The following DPYD variants were observed in gnomAD, a reference collection of about 807,000 sequenced individuals.
DPYD encodes the protein dihydropyrimidine dehydrogenase [NADP(+)].
Under a neutral mutation model 116.2 loss-of-function variants are expected in DPYD, and 109 were observed. That is an observed-to-expected ratio of 0.94 (90% CI 0.80 to 1.10). The LOEUF (loss-of-function observed/expected upper bound fraction) is 1.10. DPYD is among the 50% of genes least tolerant of loss of function. DPYD has a pLI of 0.00. For missense variants in DPYD, 1,302 were observed against 1,254.5 expected (o/e 1.04, Z -0.57); for synonymous variants, 440 against 432.0 (o/e 1.02, Z -0.23).
intron 3 of DPYD, among the ~76,000 whole-genome samples, chr1:97,766,747 A>G (rs1318210970): frequency 6.6e-6 from 1 of 152,228 alleles, no homozygotes; most frequent in Non-Finnish European, 1.5e-5. Context: ...ATTTTGCAGC[A>G]GAGAGTAGAG....
chr1:97,859,216 G>T (rs527408534), intron 2 of DPYD, among the ~76,000 whole-genome samples: 4 of 152,034 alleles, frequency 2.6e-5, no homozygotes, highest in Non-Finnish European at 5.9e-5. Flanking sequence ...TTAAAAAAAA[G>T]AATCTCTATG....
chr1:97,605,020 C>CTAAA, intron 8 of DPYD, among the ~76,000 whole-genome samples: 1 of 152,194 alleles, frequency 6.6e-6, no homozygotes, highest in South Asian at 2.1e-4. Flanking sequence ...CCCACTCTAG[C>CTAAA]ATTAAATCAA....
At chr1:97,266,686 C>G (rs766198072) in intron 18 of DPYD, among the ~76,000 whole-genome samples, 6 of 152,080 alleles carry the variant, frequency 3.9e-5, no homozygotes, top group Non-Finnish European at 4.4e-5. Flanking sequence ...CCCTGCCCCC[C>G]ACCTCATGAC....
At chr1:97,303,271 A>AC in intron 18 of DPYD, among the ~76,000 whole-genome samples, 2 of 152,112 alleles carry the variant, frequency 1.3e-5, no homozygotes, top group South Asian at 4.1e-4. Context: ...ACTTTTTAAA[A>AC]ATCTGTGATT....
chr1:97,168,939 C>A (rs1656521091), intron 20 of DPYD, among the ~76,000 whole-genome samples: 1 of 151,738 alleles, frequency 6.6e-6, no homozygotes, highest in Admixed American at 6.6e-5. Flanking sequence ...CTCCACCTCA[C>A]AGGTTCAAGC....
intron 3 of DPYD, among the ~76,000 whole-genome samples, chr1:97,789,630 T>TC (rs58458798): frequency 1.4e-4 from 22 of 152,234 alleles, no homozygotes; most frequent in African/African-American, 5.3e-4. Flanking sequence ...GTGCTTTTTT[T>TC]CTCACCTCCC....
intron 18 of DPYD, among the ~76,000 whole-genome samples, chr1:97,252,562 G>T (rs1663172785): frequency 1.3e-5 from 2 of 152,130 alleles, no homozygotes; most frequent in Non-Finnish European, 2.9e-5. Context: ...GGGCATCACA[G>T]ATATGTTAAA....
At chr1:97,835,369 T>A (rs563081110) in intron 2 of DPYD, among the ~76,000 whole-genome samples, 120 of 152,228 alleles carry the variant, frequency 7.9e-4, no homozygotes, top group Non-Finnish European at 1.3e-3. Flanking sequence ...TGAAAATATA[T>A]ACATTGTTCA....
chr1:97,097,061 T>C (rs1454823648), intron 21 of DPYD, among the ~76,000 whole-genome samples: 1 of 152,212 alleles, frequency 6.6e-6, no homozygotes, highest in Non-Finnish European at 1.5e-5. Context: ...CTGTAGGTTC[T>C]GGCCTTCGCA....
At chr1:97,162,191 G>A (rs551683513) in intron 20 of DPYD, among the ~76,000 whole-genome samples, 260 of 152,244 alleles carry the variant, frequency 1.7e-3, no homozygotes, top group African/African-American at 6.0e-3. Flanking sequence ...CCCACCAACA[G>A]TGTAAAAGTG....
chr1:97,351,802 G>T (rs959624898), intron 16 of DPYD, among the ~76,000 whole-genome samples: 1 of 152,026 alleles, frequency 6.6e-6, no homozygotes, highest in African/African-American at 2.4e-5. Context: ...GAGGAAATCA[G>T]TCAGGCAAAT....
At chr1:97,173,283 C>CAGATGTACAT (rs1656914388) in intron 20 of DPYD, among the ~76,000 whole-genome samples, 1 of 120,340 alleles carries the variant, frequency 8.3e-6, no homozygotes, top group African/African-American at 2.8e-5. Flanking sequence ...TATATGCACA[C>CAGATGTACAT]ATATATGTAC....
intron 3 of DPYD, among the ~76,000 whole-genome samples, chr1:97,792,320 C>A (rs1557965406): frequency 6.6e-6 from 1 of 151,712 alleles, no homozygotes; most frequent in South Asian, 2.1e-4. Flanking sequence ...GCTGCCCAGG[C>A]TGGAGTGCAG....
intron 5 of DPYD, among the ~76,000 whole-genome samples, chr1:97,701,731 T>C (rs1221862118): frequency 6.6e-6 from 1 of 151,800 alleles, no homozygotes; most frequent in African/African-American, 2.4e-5. Flanking sequence ...TCAACAAGTA[T>C]TATAGGGTCA....
At chr1:97,770,122 CT>C (rs1209048665) in intron 3 of DPYD, among the ~76,000 whole-genome samples, 3 of 152,206 alleles carry the variant, frequency 2.0e-5, no homozygotes, top group African/African-American at 4.8e-5. Flanking sequence ...TATGTTCATG[CT>C]GTGCATCCAC....
chr1:97,353,227 C>T (rs192580505), intron 16 of DPYD, among the ~76,000 whole-genome samples: 199 of 152,264 alleles, frequency 1.3e-3, no homozygotes, highest in African/African-American at 4.4e-3. Flanking sequence ...TATGGTCACT[C>T]GCTGCCAGGC....
At chr1:97,340,089 TA>T (rs1454443048) in intron 16 of DPYD, among the ~76,000 whole-genome samples, 1 of 151,876 alleles carries the variant, frequency 6.6e-6, no homozygotes, top group Non-Finnish European at 1.5e-5. Context: ...AAGAGACTTT[TA>T]AAAAAGGAAA....
intron 19 of DPYD, among the ~76,000 whole-genome samples, chr1:97,222,245 T>C (rs564061130): frequency 6.6e-6 from 1 of 152,200 alleles, no homozygotes; most frequent in East Asian, 1.9e-4. Context: ...AGAAAGGATT[T>C]GTCAGGGACA....
chr1:97,753,938 C>G (rs1665080985), intron 3 of DPYD, among the ~76,000 whole-genome samples: 1 of 151,986 alleles, frequency 6.6e-6, no homozygotes, highest in African/African-American at 2.4e-5. Flanking sequence ...ATAAAAGTAG[C>G]TCAGAACAAA....
Sources: gnomAD v4.1 joint callset for allele counts (sites outside exome capture counted in the v4.1 genomes callset) on GRCh38, gnomAD v4.1.1 for gene constraint, MANE v1.5 for transcripts, NCBI Gene and HGNC (gene_info 2026-07-23, HGNC 2026-07-21) for gene names.